LAMA1: variants seen among roughly 807,000 people sequenced by gnomAD.
LAMA1 encodes laminin subunit alpha-1.
Under a neutral mutation model 348.7 loss-of-function variants are expected in LAMA1, and 219 were observed. The ratio of observed to expected loss-of-function variants is 0.63; its 90% CI spans 0.56 to 0.70. LAMA1 has a LOEUF of 0.70. Among genes scored for constraint, LAMA1 ranks in the 30% least tolerant of loss-of-function variants. LAMA1 has a pLI of 0.00. For synonymous variants in LAMA1, 1,487 were observed against 1,491.0 expected, an observed-to-expected ratio of 1.00 and a Z score of 0.06; for missense variants, 3,744 against 3,888.0, an observed-to-expected ratio of 0.96 and a Z score of 0.99.
chr18:7,057,651 A>G (rs1598300429), intron 3 of LAMA1, among the ~76,000 whole-genome samples: 1 of 146,992 alleles, frequency 6.8e-6, no homozygotes, highest in African/African-American at 2.5e-5. Flanking sequence ...ATTTTTTTCA[A>G]TTTTCTTCAT....
intron 3 of LAMA1, chr18:7,079,642 T>TC (rs1055515513): frequency 2.6e-6 from 1 of 390,620 alleles, no homozygotes; most frequent in African/African-American, 2.0e-5. Context: ...ACATGTGTTT[T>TC]CCCCCTCTCC....
At chr18:6,942,730 T>C (rs2057504691) in intron 62 of LAMA1, among the ~76,000 whole-genome samples, 1 of 152,156 alleles carries the variant, frequency 6.6e-6, no homozygotes, top group South Asian at 2.1e-4. Context: ...TTTTAATATA[T>C]AAAATTTTAA....
chr18:6,980,571 AT>A lies in LAMA1; in HGVS notation c.5956del (p.Ile1986LeufsTer10), dbSNP rs2057706761. 1 of 1,613,758 alleles carries A rather than the reference AT, an allele frequency of 6.2e-7. No homozygotes were observed. Among genetic ancestry groups the A allele is most frequent in the Non-Finnish European group, 8.5e-7 (1 of 1,179,728 alleles). ...TNRFQENAVE[I>X]TRQTNESLLI... ...GAGTGATTCATTGGTTTGCCTGGTA[AT>A]TTCAACAGCATTCTCTTGAAATCTG... On this transcript the variant is annotated frameshift_variant, in exon 42 of 63. Transcript: ENST00000389658. LOFTEE classifies it high-confidence loss of function.
At chr18:6,972,692 T>C (rs2057663494) in intron 47 of LAMA1, among the ~76,000 whole-genome samples, 1 of 152,182 alleles carries the variant, frequency 6.6e-6, no homozygotes, top group South Asian at 2.1e-4. Context: ...TATGCTTTTA[T>C]TTTTTTATTT....
At position 6,993,685 on chromosome 18, in the gene LAMA1, T is replaced by C. The variant is rs750479555; in HGVS notation, c.4964A>G (p.Gln1655Arg). ...RATERIFKES[Q>R]DLAIAIERLQ... is the part of the protein sequence containing the mutation. ...CCTCTCAATGGCTATGGCCAGGTCT[T>C]GACTCTCCTTGAAGATTCTCTCAGT... The change falls in exon 35 of 63, where the codon CAA becomes CGA. Residue 1655 changes from glutamine (Q) to arginine (R), a missense_variant. By Grantham distance (43) the Gln-to-Arg change is conservative. Transcript: ENST00000389658. 1 of 1,614,118 alleles carries C rather than the reference T, an allele frequency of 6.2e-7. No homozygotes were observed. Among genetic ancestry groups the C allele is most frequent in the Admixed American group, 1.7e-5 (1 of 60,032 alleles).
intron 19 of LAMA1, among the ~76,000 whole-genome samples, chr18:7,022,482 C>T (rs1021155966): frequency 3.3e-5 from 5 of 152,174 alleles, no homozygotes; most frequent in African/African-American, 7.2e-5. Flanking sequence ...AGCTGGTGCC[C>T]TCTTGTGTCC....
intron 44 of LAMA1, among the ~76,000 whole-genome samples, chr18:6,977,085 C>A (rs489295): frequency 0.18 from 26,995 of 152,190 alleles, 2,907 homozygotes; most frequent in African/African-American, 0.3. Context: ...CTGCATTCAT[C>A]CTCTCGAAGT....
At chr18:6,995,313 G>T in intron 34 of LAMA1, 44 bp downstream of exon 34, 1 of 1,342,890 alleles carries the variant, frequency 7.4e-7, no homozygotes, top group Non-Finnish European at 1.1e-6. Context: ...AGGGCTGATG[G>T]GAGGGACCAG....
In LAMA1 at chr18:6,977,773, G is replaced by C. The variant is rs776084401; in HGVS notation, c.6299C>G (p.Ser2100Ter). 1 of 1,614,148 alleles carries C rather than the reference G, an allele frequency of 6.2e-7. No individual in the cohort carries two copies. The highest frequency in any genetic ancestry group is 8.5e-7 in the Non-Finnish European group (1 of 1,180,034). Reference sequence around the variant, plus strand: ...CTGGCTGATCAACAGTTTAATTTCTGATAGGTTTCTGCTCAGATTCTCCTC... The same window carrying C: ...CTGGCTGATCAACAGTTTAATTTCTCATAGGTTTCTGCTCAGATTCTCCTC... ...MLEENLSRNLSEIKLLISQAR... is the reference protein window; with the variant it reads ...MLEENLSRNL Residue 2100 changes from serine (S) to a stop codon, truncating the protein, a stop_gained, in exon 44 of 63, where the codon TCA (serine) becomes TGA (stop). Transcript: ENST00000389658. LOFTEE classifies it high-confidence loss of function.
At chr18:6,954,831 A>C (rs1364448532) in intron 57 of LAMA1, 1 of 209,492 alleles carries the variant, frequency 4.8e-6, no homozygotes, top group Non-Finnish European at 9.7e-6. Flanking sequence ...GGACCTCAGG[A>C]GGAGAGAGGA....
At chr18:7,020,426 T>C (rs963316975) in intron 19 of LAMA1, among the ~76,000 whole-genome samples, 2 of 152,186 alleles carry the variant, frequency 1.3e-5, no homozygotes, top group Admixed American at 1.3e-4. Flanking sequence ...GCACTTGGTT[T>C]AACCTAACAG....
chr18:7,037,899 C>G (rs2058002693), intron 11 of LAMA1, 148 bp from the exon 12 acceptor site: 2 of 787,106 alleles, frequency 2.5e-6, no homozygotes, highest in Admixed American at 4.1e-5. Context: ...GCTGCTGAAC[C>G]TCATGACCCT....
intron 29 of LAMA1, among the ~76,000 whole-genome samples, chr18:7,006,656 C>A (rs965188214): frequency 2.6e-5 from 4 of 152,182 alleles, no homozygotes; most frequent in African/African-American, 7.2e-5. Flanking sequence ...CTAGATGGCA[C>A]AGCCTACTAC....
intron 13 of LAMA1, among the ~76,000 whole-genome samples, chr18:7,035,577 G>C (rs549670751): frequency 3.3e-5 from 5 of 151,852 alleles, no homozygotes; most frequent in African/African-American, 1.2e-4. Flanking sequence ...CACGTGCCAC[G>C]GTGCCTGGCT....
intron 1 of LAMA1, among the ~76,000 whole-genome samples, chr18:7,109,936 C>A (rs1287035256): frequency 2.6e-5 from 4 of 152,202 alleles, no homozygotes; most frequent in African/African-American, 7.2e-5. Flanking sequence ...GTAATCCCAG[C>A]ACTTTGGGAG....
chr18:7,010,272 C>T lies in LAMA1; in HGVS notation c.3801G>A (p.Lys1267=), dbSNP rs2057853558. 6.2e-7 allele frequency: 1 copy of T among 1,614,182 alleles called. No individual in the cohort carries two copies. Among genetic ancestry groups the T allele is most frequent in the Non-Finnish European group, 8.5e-7 (1 of 1,180,032 alleles). Residue 1267 remains lysine, a synonymous_variant, in exon 26 of 63, where the codon AAG becomes AAA. Coordinates refer to ENST00000389658, the MANE Select transcript of LAMA1 (RefSeq NM_005559.4). ...CTGGTGCATCCATGTAAATGACTTG[C>T]TTTCTGATCCGACCACCTTTGATGA... is the stretch of plus-strand genomic sequence containing the variant. ...QVLIKGGRIR[K]QVIYMDAPAP... is the part of the protein sequence containing the mutation.
chr18:7,061,256 T>A (rs1279170847), intron 3 of LAMA1, among the ~76,000 whole-genome samples: 1 of 152,216 alleles, frequency 6.6e-6, no homozygotes, highest in Non-Finnish European at 1.5e-5. Context: ...TTTCTCCCTA[T>A]AATTGTTCCT....
In LAMA1 at chr18:7,050,843, T is replaced by C. The variant is rs745685933; in HGVS notation, c.439A>G (p.Ser147Gly). 9.9e-6 allele frequency: 16 copies of C among 1,614,074 alleles called. No homozygotes were observed. The highest frequency in any genetic ancestry group is 1.4e-5 in the Non-Finnish European group (16 of 1,180,044). The change falls in exon 4 of 63, where the codon AGC (serine) becomes GGC (glycine). Residue 147 changes from serine (S) to glycine (G), a missense_variant. By Grantham distance (56) the Ser-to-Gly change is moderately conservative. Transcript: ENST00000389658. ...CTGACTGCATAATACTGCCAGGGGC[T>C]GAACGTGGTGCCATCCAGAGAACGC... ...LERSLDGTTF[S>G]PWQYYAVSDS...
chr18:6,964,671 C>G lies in LAMA1; in HGVS notation c.7328G>C (p.Arg2443Thr). The G allele has an allele frequency of 6.2e-7, 1 of 1,614,180 alleles. No homozygotes were observed. The highest frequency in any genetic ancestry group is 8.5e-7 in the Non-Finnish European group (1 of 1,180,030). The change falls in exon 51 of 63, where the codon AGA (arginine) becomes ACA (threonine). Residue 2443 changes from arginine to threonine, a missense_variant. This residue lies in a region of LAMA1 where 1,983 missense variants were observed against 1,934.3 expected (regional missense o/e 1.03). Transcript: ENST00000389658. ...PIYVGGLPRS[R>T]VVRRGVTTKS... ...CTGCAGTTTAATATACCTTACAACT[C>G]TTGACCTTGGTAATCCACCCACATA...
Sources: allele counts gnomAD v4.1 joint callset (sites outside exome capture counted in the v4.1 genomes callset), GRCh38; gene constraint gnomAD v4.1.1; regional missense constraint gnomAD v4.1.1; transcripts MANE v1.5; gene names NCBI Gene and HGNC (gene_info 2026-07-23, HGNC 2026-07-21).